MICU2: variants seen among roughly 807,000 people sequenced by gnomAD.
MICU2 encodes mitochondrial calcium uptake 2, also known as calcium uptake protein 2, mitochondrial.
In MICU2, 64 loss-of-function variants were observed where a neutral mutation model predicts 60.4. The observed-to-expected ratio is 1.06, with a 90% confidence interval of 0.87 to 1.31. MICU2 has a LOEUF of 1.31. MICU2 is among the 50% of genes most tolerant of loss of function. The pLI is 0.00. For synonymous variants in MICU2, 201 were observed against 175.0 expected (o/e 1.15, Z -1.17); for missense variants, 569 against 531.0 (o/e 1.07, Z -0.70).
intron 6 of MICU2, among the ~76,000 whole-genome samples, chr13:21,520,674 A>G (rs1250711407): frequency 2.0e-5 from 3 of 150,288 alleles, no homozygotes; most frequent in Non-Finnish European, 4.4e-5. Flanking sequence ...TTTTTTTTTA[A>G]TATTAGCACC....
chr13:21,532,395 T>C (rs951762716), intron 4 of MICU2, among the ~76,000 whole-genome samples: 9 of 152,228 alleles, frequency 5.9e-5, no homozygotes, highest in African/African-American at 2.2e-4. Context: ...AAGAAAAACA[T>C]TTTACTTGTC....
chr13:21,571,711 A>T (rs1375308212), intron 1 of MICU2, among the ~76,000 whole-genome samples: 1 of 152,204 alleles, frequency 6.6e-6, no homozygotes, highest in Non-Finnish European at 1.5e-5. Flanking sequence ...AGGGGAAAAA[A>T]AAGAAAGGCA....
At position 21,525,913 on chromosome 13, in the gene MICU2, C is replaced by CTTATTTATTTAT. The variant is rs60527711; in HGVS notation, c.467-3275_467-3264dup. ...CAAATGTTCTTAATTGTGATGTAGT[C>CTTATTTATTTAT]TTATTTATTTATTTATTTATTTATT... On this transcript the variant is annotated intron_variant, in intron 4 of 11. Coordinates refer to ENST00000382374, the MANE Select transcript of MICU2 (RefSeq NM_152726.3). 6.4e-3 allele frequency among the ~76,000 whole-genome samples: 919 copies of CTTATTTATTTAT among 144,302 alleles called. 7 individuals are homozygous for CTTATTTATTTAT. Among genetic ancestry groups the CTTATTTATTTAT allele is most frequent in the African/African-American group, 0.022 (870 of 39,058 alleles). 94.7% of individuals were successfully genotyped at this position (144,302 alleles called of 152,430 possible).
At chr13:21,531,376 C>T in intron 4 of MICU2, 2 of 1,198,326 alleles carry the variant, frequency 1.7e-6, no homozygotes, top group Non-Finnish European at 2.4e-6. Flanking sequence ...ATTAAGGGAC[C>T]CTGCAGGAGT....
At chr13:21,568,360 G>GT (rs143414657) in intron 1 of MICU2, among the ~76,000 whole-genome samples, 20,941 of 151,916 alleles carry the variant, frequency 0.14, 1,589 homozygotes, top group Middle Eastern at 0.2. Context: ...AATATTGCAC[G>GT]TGTACAGAAT....
intron 1 of MICU2, among the ~76,000 whole-genome samples, chr13:21,589,563 T>G (rs539347337): frequency 6.6e-6 from 1 of 152,380 alleles, no homozygotes; most frequent in Admixed American, 6.5e-5. Context: ...TATGTCAGTA[T>G]GTTCAATTCT....
At chr13:21,551,310 A>G (rs2138018783) in intron 2 of MICU2, 1 of 152,564 alleles carries the variant, frequency 6.6e-6, no homozygotes, top group Admixed American at 6.5e-5. Flanking sequence ...AAAAAAATAA[A>G]TGGAATGCTT....
intron 4 of MICU2, chr13:21,531,180 G>C: frequency 2.1e-6 from 2 of 942,928 alleles, no homozygotes; most frequent in Middle Eastern, 4.6e-4. Flanking sequence ...CAAAAAGGAA[G>C]ACATTCTTAA....
chr13:21,557,035 T>C (rs1887725147), intron 2 of MICU2, among the ~76,000 whole-genome samples: 1 of 151,980 alleles, frequency 6.6e-6, no homozygotes, highest in South Asian at 2.1e-4. Flanking sequence ...AGTGACAAAA[T>C]GACAAACCTG....
chr13:21,514,282 G>A (rs923694578), intron 7 of MICU2, 71 bp downstream of exon 7: 12 of 1,267,466 alleles, frequency 9.5e-6, no homozygotes, highest in Admixed American at 2.0e-5. Flanking sequence ...GGTAACTATC[G>A]GGAATATCTG....
At chr13:21,564,215 T>A (rs1440148336) in intron 2 of MICU2, among the ~76,000 whole-genome samples, 1 of 152,224 alleles carries the variant, frequency 6.6e-6, no homozygotes, top group Non-Finnish European at 1.5e-5. Flanking sequence ...CTTTTTAGCA[T>A]GCCTTGTGAC....
intron 1 of MICU2, among the ~76,000 whole-genome samples, chr13:21,593,286 C>T (rs1339145168): frequency 6.6e-6 from 1 of 151,892 alleles, no homozygotes; most frequent in Non-Finnish European, 1.5e-5. Context: ...AATAAAAATA[C>T]CTAGGAATAC....
chr13:21,534,394 T>TG (rs1887084128), intron 4 of MICU2, among the ~76,000 whole-genome samples: 1 of 152,026 alleles, frequency 6.6e-6, no homozygotes, highest in Non-Finnish European at 1.5e-5. Context: ...TTTGTGGAGA[T>TG]GGGGGTCTCC....
chr13:21,546,285 G>C (rs1449814717), intron 2 of MICU2, among the ~76,000 whole-genome samples: 2 of 138,324 alleles, frequency 1.4e-5, no homozygotes, highest in Admixed American at 1.5e-4. Context: ...TTTTGGAAGG[G>C]ATAAAAAGAC....
Position 21,510,070 on chromosome 13 carries a change from G to C in MICU2, c.695C>G (p.Thr232Arg). The change falls in exon 8 of 12, where the codon ACA becomes AGA. Residue 232 changes from threonine to arginine, a missense_variant. Physicochemically the swap from Thr to Arg is moderately conservative, Grantham distance 71 (BLOSUM62 -1). Transcript: ENST00000382374. ...EAIVKEPEIN[T>R]TLQMRFFGKR... ...TCCAAAGAAACGCATCTGAAGAGTTGTGTTAATTTCAGGTTCTTTCACTAT... is the reference window on the plus strand; with the variant it reads ...TCCAAAGAAACGCATCTGAAGAGTTCTGTTAATTTCAGGTTCTTTCACTAT... The C allele has an allele frequency of 1.3e-6, 2 of 1,519,150 alleles. No individual in the cohort carries two copies. The highest frequency in any genetic ancestry group is 1.8e-6 in the Non-Finnish European group (2 of 1,138,646). The allele number at this position is 1,519,150 out of a possible 1,614,324, so 94.1% of individuals were successfully genotyped here. A position where few individuals can be genotyped will look rare whatever the true frequency, so the allele number is the denominator to read the frequency against.
intron 8 of MICU2, among the ~76,000 whole-genome samples, chr13:21,505,406 A>C (rs921430681): frequency 5.9e-5 from 9 of 152,136 alleles, no homozygotes; most frequent in Non-Finnish European, 1.3e-4. Flanking sequence ...TTTCCCCCAG[A>C]ACAATACGTA....
chr13:21,594,909 G>A (rs1287574255), intron 1 of MICU2, among the ~76,000 whole-genome samples: 1 of 151,972 alleles, frequency 6.6e-6, no homozygotes, highest in Non-Finnish European at 1.5e-5. Flanking sequence ...GGAACTTAGA[G>A]GATGGGTCAA....
intron 2 of MICU2, among the ~76,000 whole-genome samples, chr13:21,546,074 A>C (rs928299630): frequency 6.6e-6 from 1 of 152,222 alleles, no homozygotes; most frequent in African/African-American, 2.4e-5. Flanking sequence ...TAACTGAAGA[A>C]AAAAAGAGGA....
At chr13:21,602,349 C>T (rs751712235) in intron 1 of MICU2, among the ~76,000 whole-genome samples, 29 of 152,100 alleles carry the variant, frequency 1.9e-4, no homozygotes, top group Non-Finnish European at 3.7e-4. Context: ...GGTGAAACCC[C>T]GTCTCTACTA....
Sources: allele counts gnomAD v4.1 joint callset (sites outside exome capture counted in the v4.1 genomes callset), GRCh38; gene constraint gnomAD v4.1.1; transcripts MANE v1.5; gene names NCBI Gene and HGNC (gene_info 2026-07-23, HGNC 2026-07-21).